The following HPSE2 variants were observed in gnomAD, a reference collection of about 807,000 sequenced individuals.
The protein encoded by HPSE2 is inactive heparanase-2.
Under a neutral mutation model 60.5 loss-of-function variants are expected in HPSE2, and 38 were observed. That is an observed-to-expected ratio of 0.63 (90% CI 0.48 to 0.82). The LOEUF (loss-of-function observed/expected upper bound fraction) is 0.82, where lower values mean the gene tolerates loss of function less well. Among genes scored for constraint, HPSE2 ranks in the 40% least tolerant of loss-of-function variants. The pLI is 0.00. For synonymous variants in HPSE2, 295 were observed against 293.2 expected (o/e 1.01, Z -0.06); for missense variants, 713 against 740.4 (o/e 0.96, Z 0.43).
chr10:98,693,972 A>T (rs1302805414), intron 5 of HPSE2, 25 bp from the exon 6 acceptor site: 6 of 1,576,380 alleles, frequency 3.8e-6, no homozygotes, highest in Non-Finnish European at 5.2e-6. Flanking sequence ...AAGAAAAAAG[A>T]TATTACAACT....
At chr10:98,718,579 T>C (rs1312455999) in intron 5 of HPSE2, among the ~76,000 whole-genome samples, 2 of 152,160 alleles carry the variant, frequency 1.3e-5, no homozygotes, top group Non-Finnish European at 2.9e-5. Flanking sequence ...AAATGTAGTA[T>C]ATATACACAT....
At chr10:98,535,686 G>A (rs887565391) in intron 9 of HPSE2, among the ~76,000 whole-genome samples, 1 of 152,128 alleles carries the variant, frequency 6.6e-6, no homozygotes, top group African/African-American at 2.4e-5. Context: ...AACTACTCTA[G>A]CCCAGGAGAG....
intron 2 of HPSE2, among the ~76,000 whole-genome samples, chr10:99,216,054 C>A (rs948853447): frequency 6.6e-6 from 1 of 152,086 alleles, no homozygotes. Flanking sequence ...GAAGAAAATA[C>A]GTTTAATCTA....
intron 5 of HPSE2, among the ~76,000 whole-genome samples, chr10:98,696,607 A>G (rs1948225733): frequency 1.1e-4 from 1 of 9,478 alleles, no homozygotes; most frequent in South Asian, 0.042. Context: ...GGTCCCAACC[A>G]TGGAATGCGT....
intron 3 of HPSE2, among the ~76,000 whole-genome samples, chr10:99,025,092 T>C (rs1274256301): frequency 2.6e-5 from 4 of 151,996 alleles, no homozygotes; most frequent in Non-Finnish European, 4.4e-5. Flanking sequence ...AATGAACCAA[T>C]AAAAAATAAT....
chr10:98,903,055 G>A (rs1282404911), intron 3 of HPSE2, among the ~76,000 whole-genome samples: 1 of 152,088 alleles, frequency 6.6e-6, no homozygotes, highest in Non-Finnish European at 1.5e-5. Flanking sequence ...TGATAAATAA[G>A]ATGTGATATA....
intron 3 of HPSE2, among the ~76,000 whole-genome samples, chr10:98,816,508 A>C (rs144464114): frequency 6.6e-6 from 1 of 152,262 alleles, no homozygotes; most frequent in African/African-American, 2.4e-5. Context: ...AACTAAGGCT[A>C]AGGCTTTCTA....
intron 9 of HPSE2, among the ~76,000 whole-genome samples, chr10:98,557,027 T>C (rs1348852219): frequency 1.3e-5 from 2 of 151,866 alleles, no homozygotes; most frequent in Non-Finnish European, 2.9e-5. Flanking sequence ...CTGGCTAACA[T>C]GGTGAAACCC....
intron 9 of HPSE2, among the ~76,000 whole-genome samples, chr10:98,589,367 A>G (rs535582856): frequency 2.2e-4 from 34 of 152,264 alleles, no homozygotes; most frequent in Admixed American, 6.5e-4. Context: ...GTGTTCTTTC[A>G]GCTACCTGCC....
Position 98,506,759 on chromosome 10 carries a change from C to T in HPSE2, c.1321-16563G>A, listed in dbSNP as rs546960114. Among the ~76,000 whole-genome samples the T allele has an allele frequency of 7.2e-5, 11 of 152,296 alleles. No homozygotes were observed. The East Asian group carries it at 1.9e-3, about 27-fold the overall frequency. ...ATTTACAGGCGTCAGCTTCTGAACC[C>T]GGCCTGATTTTCCGTTTCTAGAGAG... On this transcript the variant is annotated intron_variant, in intron 9 of 11. Coordinates refer to ENST00000370552, the MANE Select transcript of HPSE2 (RefSeq NM_021828.5).
At chr10:99,000,940 GA>G (rs1409275737) in intron 3 of HPSE2, among the ~76,000 whole-genome samples, 1 of 151,934 alleles carries the variant, frequency 6.6e-6, no homozygotes, top group Non-Finnish European at 1.5e-5. Flanking sequence ...TGTTATATAG[GA>G]TATTGGTCTC....
At chr10:98,509,782 G>A (rs1160573426) in intron 9 of HPSE2, among the ~76,000 whole-genome samples, 2 of 152,174 alleles carry the variant, frequency 1.3e-5, no homozygotes, top group Non-Finnish European at 2.9e-5. Context: ...TTATAGGCGT[G>A]AGCCACCGCA....
At chr10:98,761,934 C>T (rs1427558944) in intron 3 of HPSE2, among the ~76,000 whole-genome samples, 1 of 151,976 alleles carries the variant, frequency 6.6e-6, no homozygotes, top group African/African-American at 2.4e-5. Context: ...AAGAGGCCCC[C>T]CGCAACATGC....
At chr10:98,793,545 T>C (rs1223641921) in intron 3 of HPSE2, among the ~76,000 whole-genome samples, 1 of 152,218 alleles carries the variant, frequency 6.6e-6, no homozygotes, top group Non-Finnish European at 1.5e-5. Flanking sequence ...TATATGGACC[T>C]ACATTCCAGA....
intron 2 of HPSE2, among the ~76,000 whole-genome samples, chr10:99,192,154 G>C (rs1848243726): frequency 6.6e-6 from 1 of 152,120 alleles, no homozygotes; most frequent in Admixed American, 6.5e-5. Context: ...CCTTAAAGAA[G>C]AGGTAGAAAG....
chr10:99,083,965 C>CT (rs1227555386), intron 3 of HPSE2, among the ~76,000 whole-genome samples: 1 of 90,818 alleles, frequency 1.1e-5, no homozygotes, highest in African/African-American at 4.0e-5. Flanking sequence ...TGTGTGAAAG[C>CT]CTTTTTTTTT....
intron 9 of HPSE2, among the ~76,000 whole-genome samples, chr10:98,610,420 G>T (rs1945721229): frequency 6.6e-6 from 1 of 152,148 alleles, no homozygotes; most frequent in Non-Finnish European, 1.5e-5. Context: ...GCGATGGCTT[G>T]GCTCAGAGCA....
At chr10:98,963,427 AG>A (rs1955733589) in intron 3 of HPSE2, among the ~76,000 whole-genome samples, 1 of 152,154 alleles carries the variant, frequency 6.6e-6, no homozygotes, top group African/African-American at 2.4e-5. Flanking sequence ...GTATGTCATT[AG>A]TACCTCTCCA....
At chr10:99,104,958 C>T (rs1052561664) in intron 3 of HPSE2, among the ~76,000 whole-genome samples, 3 of 150,956 alleles carry the variant, frequency 2.0e-5, no homozygotes, top group Non-Finnish European at 2.9e-5. Context: ...ATATAACTAA[C>T]GTAAATGACG....
Sources: gnomAD v4.1 joint callset for allele counts (sites outside exome capture counted in the v4.1 genomes callset) on GRCh38, gnomAD v4.1.1 for gene constraint, MANE v1.5 for transcripts, NCBI Gene and HGNC (gene_info 2026-07-23, HGNC 2026-07-21) for gene names.